Variants in CAMKMT observed in about 807,000 individuals in gnomAD.
CAMKMT encodes CaM KMT.
CAMKMT carries 53 observed loss-of-function variants against 48.0 expected under a neutral mutation model. That is an observed-to-expected ratio of 1.10 (90% CI 0.89 to 1.39). The LOEUF (loss-of-function observed/expected upper bound fraction) is 1.39, where lower values mean the gene tolerates loss of function less well. CAMKMT is among the 40% of genes most tolerant of loss of function. CAMKMT has a pLI of 0.00. For synonymous variants in CAMKMT, 165 were observed against 152.3 expected, an observed-to-expected ratio of 1.08 and a Z score of -0.61; for missense variants, 428 against 402.7, an observed-to-expected ratio of 1.06 and a Z score of -0.54.
chr2:44,418,557 T>C lies in CAMKMT; in HGVS notation c.376+28252T>C, dbSNP rs187773049. ...CCTTTTTGAAAATCATTTACCCAAA[T>C]ACGTGTTAGTCTTTTCTAGAGTCTG... On this transcript the variant is annotated intron_variant, in intron 3 of 10. Transcript: ENST00000378494. Among the ~76,000 whole-genome samples the C allele has an allele frequency of 1.3e-3, 194 of 152,336 alleles. 1 individual carries two copies. The highest frequency in any genetic ancestry group is 4.6e-3 in the African/African-American group (192 of 41,588).
At chr2:44,595,880 A>T (rs1335716374) in intron 3 of CAMKMT, among the ~76,000 whole-genome samples, 5 of 152,030 alleles carry the variant, frequency 3.3e-5, no homozygotes, top group African/African-American at 1.2e-4. Context: ...AAACTAACAC[A>T]AGAAGAGAAA....
At chr2:44,704,164 G>A in intron 3 of CAMKMT, 119 bp from the exon 4 acceptor site, 2 of 561,936 alleles carry the variant, frequency 3.6e-6, no homozygotes, top group Non-Finnish European at 5.9e-6. Context: ...CATATTATAA[G>A]TAATAACAAT....
At chr2:44,750,118 G>A (rs1330903711) in intron 8 of CAMKMT, among the ~76,000 whole-genome samples, 1 of 151,952 alleles carries the variant, frequency 6.6e-6, no homozygotes, top group Admixed American at 6.6e-5. Context: ...TGGGTTAAGA[G>A]GTTTCAAAAG....
At chr2:44,407,860 C>T (rs1313862925) in intron 3 of CAMKMT, among the ~76,000 whole-genome samples, 1 of 152,004 alleles carries the variant, frequency 6.6e-6, no homozygotes, top group African/African-American at 2.4e-5. Flanking sequence ...GTTAGTCAGT[C>T]ATTGTCTCTT....
chr2:44,397,277 A>C (rs563835996), intron 3 of CAMKMT, among the ~76,000 whole-genome samples: 36 of 152,236 alleles, frequency 2.4e-4, no homozygotes, highest in African/African-American at 8.4e-4. Context: ...TGGGAATAGA[A>C]AATTTATAAG....
At chr2:44,729,102 A>G (rs2104339810) in intron 7 of CAMKMT, among the ~76,000 whole-genome samples, 1 of 152,020 alleles carries the variant, frequency 6.6e-6, no homozygotes, top group East Asian at 1.9e-4. Flanking sequence ...GAAAATGGTG[A>G]GCAAATACGG....
intron 3 of CAMKMT, among the ~76,000 whole-genome samples, chr2:44,429,569 A>G (rs373735673): frequency 6.6e-6 from 1 of 152,100 alleles, no homozygotes; most frequent in Non-Finnish European, 1.5e-5. Context: ...AGAAGAACGT[A>G]TAAGACAAAA....
chr2:44,604,559 T>G (rs1205126969), intron 3 of CAMKMT, among the ~76,000 whole-genome samples: 4 of 29,666 alleles, frequency 1.3e-4, no homozygotes, highest in Non-Finnish European at 2.9e-4. Context: ...GCCAATCTGG[T>G]TTTTTTTTTT....
intron 3 of CAMKMT, among the ~76,000 whole-genome samples, chr2:44,520,790 G>A (rs1671063937): frequency 6.6e-6 from 1 of 152,108 alleles, no homozygotes; most frequent in Non-Finnish European, 1.5e-5. Context: ...TGGATCATGG[G>A]GGCAGTTCCC....
chr2:44,580,942 TG>T (rs1157652236), intron 3 of CAMKMT, among the ~76,000 whole-genome samples: 1 of 152,168 alleles, frequency 6.6e-6, no homozygotes, highest in African/African-American at 2.4e-5. Flanking sequence ...ATCGGCTGCT[TG>T]CCTGTTGACC....
intron 2 of CAMKMT, among the ~76,000 whole-genome samples, chr2:44,388,839 G>C (rs1475510589): frequency 6.6e-6 from 1 of 152,184 alleles, no homozygotes; most frequent in Non-Finnish European, 1.5e-5. Context: ...TCTGCACAGA[G>C]TCCTGTGATG....
At chr2:44,425,169 CAT>C (rs1185090334) in intron 3 of CAMKMT, among the ~76,000 whole-genome samples, 2 of 151,946 alleles carry the variant, frequency 1.3e-5, no homozygotes, top group Admixed American at 6.6e-5. Context: ...TAAAAATAAA[CAT>C]AAAGAATAAT....
chr2:44,644,163 A>G (rs1384692634), intron 3 of CAMKMT, among the ~76,000 whole-genome samples: 2 of 152,240 alleles, frequency 1.3e-5, no homozygotes, highest in Non-Finnish European at 2.9e-5. Context: ...TCCAGTCTTG[A>G]GCTGTCAGTG....
chr2:44,415,091 C>T (rs1488521649), intron 3 of CAMKMT, among the ~76,000 whole-genome samples: 3 of 152,138 alleles, frequency 2.0e-5, no homozygotes, highest in Non-Finnish European at 4.4e-5. Flanking sequence ...GCAGAGAATG[C>T]AGTGAGCTGA....
intron 7 of CAMKMT, among the ~76,000 whole-genome samples, chr2:44,739,430 T>C (rs1679544575): frequency 6.6e-6 from 1 of 152,206 alleles, no homozygotes; most frequent in African/African-American, 2.4e-5. Flanking sequence ...ACTGGAAAGA[T>C]GGAATTACCA....
intron 3 of CAMKMT, among the ~76,000 whole-genome samples, chr2:44,672,631 G>A (rs1238663177): frequency 1.3e-5 from 2 of 152,178 alleles, no homozygotes; most frequent in African/African-American, 2.4e-5. Context: ...ACTATGCCCC[G>A]GGAGTATAAA....
At chr2:44,415,813 C>A (rs1332805850) in intron 3 of CAMKMT, among the ~76,000 whole-genome samples, 3 of 152,136 alleles carry the variant, frequency 2.0e-5, no homozygotes, top group South Asian at 2.1e-4. Flanking sequence ...TATTTTGCAT[C>A]CCCTTATACA....
intron 3 of CAMKMT, among the ~76,000 whole-genome samples, chr2:44,470,541 A>G (rs1305270911): frequency 6.6e-6 from 1 of 152,160 alleles, no homozygotes; most frequent in Non-Finnish European, 1.5e-5. Flanking sequence ...ATTCATGGAG[A>G]TACCTTGTTA....
intron 3 of CAMKMT, among the ~76,000 whole-genome samples, chr2:44,703,144 AGTTTATT>A (rs1677348554): frequency 6.6e-6 from 1 of 152,182 alleles, no homozygotes; most frequent in Non-Finnish European, 1.5e-5. Flanking sequence ...ATAAGGTTAT[AGTTTATT>A]CTAATTATAA....
Sources: allele counts gnomAD v4.1 joint callset (sites outside exome capture counted in the v4.1 genomes callset), GRCh38; gene constraint gnomAD v4.1.1; transcripts MANE v1.5; gene names NCBI Gene and HGNC (gene_info 2026-07-23, HGNC 2026-07-21).